The following CHD6 variants were observed in gnomAD, a reference collection of about 807,000 sequenced individuals.
The protein encoded by CHD6 is chromodomain helicase DNA binding protein 6, also known as ATP-dependent chromatin remodeler CHD6.
CHD6 carries 50 observed loss-of-function variants against 276.9 expected under a neutral mutation model. The ratio of observed to expected loss-of-function variants is 0.18; its 90% CI spans 0.14 to 0.23. The LOEUF is 0.23. CHD6 is among the 10% of genes least tolerant of loss of function. The probability of loss-of-function intolerance (pLI) is 1.00; values close to 1 mark genes in which losing one functional copy is unlikely to be tolerated. For missense variants in CHD6, 2,564 were observed against 3,365.8 expected, an observed-to-expected ratio of 0.76 and a Z score of 5.89; for synonymous variants, 1,173 against 1,229.3, an observed-to-expected ratio of 0.95 and a Z score of 0.96.
At chr20:41,468,309 G>A (rs577521809) in intron 17 of CHD6, among the ~76,000 whole-genome samples, 16 of 151,834 alleles carry the variant, frequency 1.1e-4, no homozygotes, top group Non-Finnish European at 1.8e-4. Context: ...AGCATTTCAC[G>A]ATATTGGCCA....
At chr20:41,583,060 G>A (rs1018579112) in intron 1 of CHD6, among the ~76,000 whole-genome samples, 4 of 152,238 alleles carry the variant, frequency 2.6e-5, no homozygotes, top group African/African-American at 9.6e-5. Flanking sequence ...TAGAGGGACT[G>A]ACGCAGAAAC....
At chr20:41,457,130 A>G in intron 18 of CHD6, 134 bp downstream of exon 18, 1 of 1,002,812 alleles carries the variant, frequency 1.0e-6, no homozygotes, top group Non-Finnish European at 1.4e-6. Flanking sequence ...TGTTGTAGGG[A>G]ATTACCCAAT....
chr20:41,575,012 T>C lies in CHD6; in HGVS notation c.-23-23652A>G, dbSNP rs907194766. ...TTTGTAACTTCACTTTAGCCTCTGA[T>C]TGGTTGCTTTCCCCAATCAATCAGG... On this transcript the variant is annotated intron_variant, in intron 1 of 36. Transcript: ENST00000373233. Among the ~76,000 whole-genome samples the C allele has an allele frequency of 3.9e-5, 6 of 152,320 alleles. No individual in the cohort carries two copies. In the South Asian group the frequency reaches 8.3e-4, roughly 21 times the overall value.
intron 1 of CHD6, among the ~76,000 whole-genome samples, chr20:41,606,325 C>T (rs1188842535): frequency 6.6e-6 from 1 of 152,088 alleles, no homozygotes; most frequent in Non-Finnish European, 1.5e-5. Flanking sequence ...CCCTGGCTAA[C>T]ACGGTGAAAC....
Position 41,447,940 on chromosome 20 carries a change from G to A in CHD6, c.3715C>T (p.Leu1239=). The A allele has an allele frequency of 6.2e-7, 1 of 1,611,624 alleles. No individual in the cohort carries two copies. The highest frequency in any genetic ancestry group is 1.7e-5 in the Admixed American group (1 of 59,620). ...GCTTCTCCCAGTATTTCAGCTTTTA[G>A]GTAGTACAGCATCCGGACTCGCAAA... ...VLLRVRMLYY[L]KAEILGEAAE... Residue 1239 remains leucine, a synonymous_variant, in exon 24 of 37, where the codon CTA becomes TTA. Coordinates refer to ENST00000373233, the MANE Select transcript of CHD6 (RefSeq NM_032221.5).
rs552799427 is a variant in CHD6 at position 41,477,716 on chromosome 20, A to C, written c.2469-4199T>G. 4.6e-5 allele frequency among the ~76,000 whole-genome samples: 7 copies of C among 152,336 alleles called. 1 individual carries two copies. Among genetic ancestry groups the C allele is most frequent in the African/African-American group, 1.7e-4 (7 of 41,576 alleles). On this transcript the variant is annotated intron_variant, in intron 16 of 36. Transcript: ENST00000373233. ...AAGTCGTATTTGATTTGAAGAAGGC[A>C]GAATCCCAGGCAAGACACAACCTAA...
intron 1 of CHD6, among the ~76,000 whole-genome samples, chr20:41,587,712 C>T (rs558225860): frequency 2.6e-5 from 4 of 152,216 alleles, no homozygotes; most frequent in African/African-American, 9.6e-5. Flanking sequence ...CAAAGGATAG[C>T]CTCCTATTAA....
In CHD6 at chr20:41,592,044, A is replaced by G. The variant is rs533382364; in HGVS notation, c.-24+26296T>C. Among the ~76,000 whole-genome samples, 489 of 152,272 alleles carry G rather than the reference A, an allele frequency of 3.2e-3. 5 individuals are homozygous for G. The highest frequency in any genetic ancestry group is 7.5e-3 in the South Asian group (36 of 4,820). Reference sequence around the variant, plus strand: ...AACCCAGGAGGCAGAGCTTGTAGTGAGCCGAGATCGTGCCGCTGCACTCCA... The same window carrying G: ...AACCCAGGAGGCAGAGCTTGTAGTGGGCCGAGATCGTGCCGCTGCACTCCA... On this transcript the variant is annotated intron_variant, in intron 1 of 36. Transcript: ENST00000373233.
Position 41,405,252 on chromosome 20 carries a change from C to A in CHD6, c.7489G>T (p.Gly2497Trp). 1 of 1,614,194 alleles carries A rather than the reference C, an allele frequency of 6.2e-7. No homozygotes were observed. Among genetic ancestry groups the A allele is most frequent in the Non-Finnish European group, 8.5e-7 (1 of 1,180,028 alleles). Reference sequence around the variant, plus strand: ...ATCGTGGCAAAGCCAGCTGGAAACCCCACCAGCCCGGTGAGGGGGATGCCT... The same window carrying A: ...ATCGTGGCAAAGCCAGCTGGAAACCACACCAGCCCGGTGAGGGGGATGCCT... Reference protein sequence around the residue: ...MPGIPLTGLVGFPAGFATMPT... With the variant: ...MPGIPLTGLVWFPAGFATMPT... The change falls in exon 37 of 37, where the codon GGG becomes TGG. Residue 2497 changes from glycine (G) to tryptophan (W), a missense_variant. Gly to Trp is a radical substitution (Grantham distance 184, BLOSUM62 -2). Transcript: ENST00000373233.
chr20:41,501,375 A>T (rs2043825937), intron 5 of CHD6, among the ~76,000 whole-genome samples: 2 of 152,338 alleles, frequency 1.3e-5, no homozygotes, highest in African/African-American at 2.4e-5. Flanking sequence ...TCAAGTTTAT[A>T]TAATTTTTCC....
At position 41,591,306 on chromosome 20, in the gene CHD6, C is replaced by T. The variant is rs1223945659; in HGVS notation, c.-24+27034G>A. Reference sequence around the variant, plus strand: ...AGCACACCAACATGGCACATGTATACCTATGTAACAAACCTGCACAATGTG... The same window carrying T: ...AGCACACCAACATGGCACATGTATATCTATGTAACAAACCTGCACAATGTG... On this transcript the variant is annotated intron_variant, in intron 1 of 36. Transcript: ENST00000373233. 4.0e-5 allele frequency among the ~76,000 whole-genome samples: 6 copies of T among 151,096 alleles called. No individual in the cohort carries two copies. In the East Asian group the frequency reaches 9.7e-4, roughly 24 times the overall value.
intron 2 of CHD6, among the ~76,000 whole-genome samples, chr20:41,546,869 C>G (rs1305044570): frequency 6.6e-6 from 1 of 152,174 alleles, no homozygotes; most frequent in African/African-American, 2.4e-5. Context: ...CACAACGATT[C>G]TTTAGGCAAA....
chr20:41,555,422 C>T (rs1196674254), intron 1 of CHD6, among the ~76,000 whole-genome samples: 1 of 150,466 alleles, frequency 6.6e-6, no homozygotes, highest in Non-Finnish European at 1.5e-5. Flanking sequence ...TGACCCCCAC[C>T]TCCCTCCCGG....
intron 1 of CHD6, among the ~76,000 whole-genome samples, chr20:41,579,193 T>C (rs2045508369): frequency 6.8e-6 from 1 of 147,848 alleles, no homozygotes; most frequent in Non-Finnish European, 1.5e-5. Flanking sequence ...TCCCAGCACT[T>C]TGGGACGCCG....
Position 41,599,464 on chromosome 20 carries a change from G to A in CHD6, c.-24+18876C>T, listed in dbSNP as rs1354636855. 3.3e-5 allele frequency among the ~76,000 whole-genome samples: 5 copies of A among 152,196 alleles called. No individual in the cohort carries two copies. The East Asian group carries it at 7.7e-4, about 23-fold the overall frequency. On this transcript the variant is annotated intron_variant, in intron 1 of 36. Transcript: ENST00000373233. ...TTTACCCCCCTTGCAATTGCTATAG[G>A]TGTACTCATTCTTGTAGGTTGCTGC...
At chr20:41,513,302 G>T (rs191980845) in intron 4 of CHD6, among the ~76,000 whole-genome samples, 2 of 152,252 alleles carry the variant, frequency 1.3e-5, no homozygotes, top group Admixed American at 1.3e-4. Flanking sequence ...CCCCCTTTCA[G>T]AATCCACTTC....
intron 2 of CHD6, among the ~76,000 whole-genome samples, chr20:41,544,287 T>A (rs1396599105): frequency 6.6e-6 from 1 of 152,118 alleles, no homozygotes; most frequent in Non-Finnish European, 1.5e-5. Flanking sequence ...CACAGTCACA[T>A]CAATACTCGT....
Position 41,425,387 on chromosome 20 carries a change from A to C in CHD6, c.4137T>G (p.Asp1379Glu). 1.9e-6 allele frequency: 3 copies of C among 1,613,716 alleles called. No individual in the cohort carries two copies. The highest frequency in any genetic ancestry group is 2.5e-6 in the Non-Finnish European group (3 of 1,179,906). ...EKKDDSRAAQ[D>E]GSDPDKSPWP... ...AGGGCGATTTGTCTGGGTCGGAGCC[A>C]TCCTGGGCTTCAAACATCAGTGAGG... Residue 1379 changes from aspartate (D) to glutamate (E), a missense_variant, in exon 29 of 37, where the codon GAT becomes GAG. Physicochemically the swap from Asp to Glu is conservative, Grantham distance 45. This residue lies in a region of CHD6 where 515 missense variants were observed against 739.5 expected (regional missense o/e 0.70). Coordinates refer to ENST00000373233, the MANE Select transcript of CHD6 (RefSeq NM_032221.5).
chr20:41,598,182 T>C (rs1478538898), intron 1 of CHD6, among the ~76,000 whole-genome samples: 8 of 152,108 alleles, frequency 5.3e-5, no homozygotes, highest in Non-Finnish European at 8.8e-5. Flanking sequence ...ATTCCTCCCT[T>C]CATTAAGTCG....
Sources: gnomAD v4.1 joint callset for allele counts (sites outside exome capture counted in the v4.1 genomes callset) on GRCh38, gnomAD v4.1.1 for gene constraint, gnomAD v4.1.1 regional missense constraint, MANE v1.5 for transcripts, NCBI Gene and HGNC (gene_info 2026-07-23, HGNC 2026-07-21) for gene names.